The following PPP2R3A variants were observed in gnomAD, a reference collection of about 807,000 sequenced individuals.
PPP2R3A encodes serine/threonine-protein phosphatase 2A regulatory subunit B'' subunit alpha.
PPP2R3A carries 80 observed loss-of-function variants against 106.9 expected under a neutral mutation model. That is an observed-to-expected ratio of 0.75 (90% CI 0.62 to 0.90). The LOEUF (loss-of-function observed/expected upper bound fraction) is 0.90, where lower values mean the gene tolerates loss of function less well. PPP2R3A is among the 40% of genes least tolerant of loss of function. PPP2R3A has a pLI of 0.00. For missense variants in PPP2R3A, 1,386 were observed against 1,350.4 expected, an observed-to-expected ratio of 1.03 and a Z score of -0.41; for synonymous variants, 483 against 468.3, an observed-to-expected ratio of 1.03 and a Z score of -0.41.
chr3:136,027,036 A>G lies in PPP2R3A; in HGVS notation c.2200A>G (p.Thr734Ala), dbSNP rs1432272509. The G allele has an allele frequency of 1.2e-6, 2 of 1,613,218 alleles. No individual in the cohort carries two copies. The highest frequency in any genetic ancestry group is 4.5e-5 in the East Asian group (2 of 44,878). Residue 734 changes from threonine (T) to alanine (A), a missense_variant, in exon 3 of 14, where the codon ACT becomes GCT. By Grantham distance (58) the Thr-to-Ala change is moderately conservative. Transcript: ENST00000264977. ...NHEQTLSRIETAFMDIEEQKA... is the reference protein window; with the variant it reads ...NHEQTLSRIEAAFMDIEEQKA... ...TGAACAAACTCTAAGCAGAATTGAA[A>G]CTGCTTTCATGGATATTGAAGAACA...
chr3:135,981,780 G>A (rs1289214755), intron 1 of PPP2R3A, among the ~76,000 whole-genome samples: 1 of 151,794 alleles, frequency 6.6e-6, no homozygotes, highest in East Asian at 1.9e-4. Flanking sequence ...ATGAGAAGGG[G>A]CCAGGGTCGA....
intron 2 of PPP2R3A, among the ~76,000 whole-genome samples, chr3:136,010,956 T>C (rs776989010): frequency 2.0e-5 from 3 of 152,218 alleles, no homozygotes; most frequent in Non-Finnish European, 2.9e-5. Context: ...TTAACACTCA[T>C]TTGTCTGCTC....
chr3:136,030,778 A>ATATATATATATATATATATATATATG (rs1206335696), intron 3 of PPP2R3A, among the ~76,000 whole-genome samples: 63 of 111,258 alleles, frequency 5.7e-4, no homozygotes, highest in Non-Finnish European at 9.0e-4. Context: ...ATATATATAT[A>ATATATATATATATATATATATATATG]TATGTATGTA....
Position 136,058,271 on chromosome 3 carries a change from C to A in PPP2R3A, c.2469+8910C>A, listed in dbSNP as rs565912161. On this transcript the variant is annotated intron_variant, in intron 5 of 13. Coordinates refer to ENST00000264977, the MANE Select transcript of PPP2R3A (RefSeq NM_002718.5). ...ACATGATCCTATATTTCAAAAACCC[C>A]CCAGTCTCAGCCCAAAAGCTTCTTA... Among the ~76,000 whole-genome samples, 10 of 152,238 alleles carry A rather than the reference C, an allele frequency of 6.6e-5. No individual in the cohort carries two copies. The South Asian group carries it at 1.9e-3, about 28-fold the overall frequency.
At chr3:136,072,680 C>G (rs1474194631) in intron 6 of PPP2R3A, among the ~76,000 whole-genome samples, 2 of 152,220 alleles carry the variant, frequency 1.3e-5, no homozygotes, top group East Asian at 3.9e-4. Context: ...AAACTCAGGG[C>G]ATATTAACAG....
chr3:135,969,860 T>A (rs566578684), intron 1 of PPP2R3A, among the ~76,000 whole-genome samples: 1 of 152,308 alleles, frequency 6.6e-6, no homozygotes, highest in African/African-American at 2.4e-5. Context: ...ATGGCAGCAA[T>A]AATTGGAGCT....
rs1261791865 is a variant in PPP2R3A at position 136,002,233 on chromosome 3, A to G, written c.735A>G (p.Lys245=). The G allele has an allele frequency of 1.9e-6, 3 of 1,613,716 alleles. No homozygotes were observed. The highest frequency in any genetic ancestry group is 2.5e-6 in the Non-Finnish European group (3 of 1,179,948). The part of the protein sequence containing the change: ...ILLKCSEDLK[K]CTDIIKQCIK... Reference sequence around the variant, plus strand: ...TGAAATGCTCCGAGGATTTAAAAAAATGCACAGACATCATAAAACAATGCA... The same window carrying G: ...TGAAATGCTCCGAGGATTTAAAAAAGTGCACAGACATCATAAAACAATGCA... The change falls in exon 2 of 14, where the codon AAA becomes AAG. Residue 245 remains lysine (K), a synonymous_variant. Transcript: ENST00000264977.
intron 13 of PPP2R3A, among the ~76,000 whole-genome samples, chr3:136,111,573 T>TA (rs1232488211): frequency 6.6e-6 from 1 of 151,780 alleles, no homozygotes; most frequent in African/African-American, 2.4e-5. Context: ...CCTGAAAACA[T>TA]ACAACCTCCT....
At chr3:136,112,380 C>T (rs776870830) in intron 13 of PPP2R3A, among the ~76,000 whole-genome samples, 5 of 152,028 alleles carry the variant, frequency 3.3e-5, no homozygotes, top group African/African-American at 4.8e-5. Context: ...AATTCTATAC[C>T]TAGAAAACCC....
intron 12 of PPP2R3A, among the ~76,000 whole-genome samples, 187 bp from the exon 13 acceptor site, chr3:136,106,029 T>C (rs571835739): frequency 2.4e-4 from 36 of 152,320 alleles, no homozygotes; most frequent in East Asian, 5.8e-4. Flanking sequence ...TAAACAGTTA[T>C]AATTTTGCCA....
At chr3:135,973,930 C>T (rs1937321334) in intron 1 of PPP2R3A, among the ~76,000 whole-genome samples, 1 of 152,112 alleles carries the variant, frequency 6.6e-6, no homozygotes, top group Admixed American at 6.5e-5. Context: ...GTTCCTTTTC[C>T]ACCAGTCTCT....
At chr3:136,095,273 A>C (rs1008593018) in intron 10 of PPP2R3A, among the ~76,000 whole-genome samples, 1 of 152,226 alleles carries the variant, frequency 6.6e-6, no homozygotes, top group Non-Finnish European at 1.5e-5. Context: ...TTCTCATAGA[A>C]TGTTACCAAC....
At chr3:136,123,105 C>A (rs1938059841) in intron 13 of PPP2R3A, among the ~76,000 whole-genome samples, 1 of 151,926 alleles carries the variant, frequency 6.6e-6, no homozygotes, top group African/African-American at 2.4e-5. Context: ...ATAATTTATC[C>A]CCCAAAATAC....
chr3:136,007,481 C>T (rs989273222), intron 2 of PPP2R3A, among the ~76,000 whole-genome samples: 50 of 152,180 alleles, frequency 3.3e-4, no homozygotes, highest in African/African-American at 1.2e-3. Flanking sequence ...ACCTCTAAGT[C>T]TTTTAATTCC....
At chr3:136,123,006 A>G (rs980213879) in intron 13 of PPP2R3A, among the ~76,000 whole-genome samples, 1 of 152,274 alleles carries the variant, frequency 6.6e-6, no homozygotes, top group East Asian at 1.9e-4. Flanking sequence ...AAGATAAGTA[A>G]CTCTTTAATG....
chr3:136,097,384 T>C (rs761616498), intron 10 of PPP2R3A, among the ~76,000 whole-genome samples: 7 of 152,246 alleles, frequency 4.6e-5, no homozygotes, highest in Non-Finnish European at 8.8e-5. Context: ...TTGATCCTTA[T>C]AGTCTCCAAT....
At chr3:136,126,777 G>A (rs746888990) in intron 13 of PPP2R3A, among the ~76,000 whole-genome samples, 1 of 152,152 alleles carries the variant, frequency 6.6e-6, no homozygotes, top group African/African-American at 2.4e-5. Context: ...TGCCCCTCTA[G>A]AACGAAGCTT....
At chr3:136,033,728 A>G (rs574969528) in intron 3 of PPP2R3A, among the ~76,000 whole-genome samples, 1 of 152,154 alleles carries the variant, frequency 6.6e-6, no homozygotes, top group South Asian at 2.1e-4. Flanking sequence ...GTCAGTTGTA[A>G]TATCTCCTGT....
At chr3:136,064,655 G>A (rs1461072358) in intron 5 of PPP2R3A, among the ~76,000 whole-genome samples, 1 of 152,058 alleles carries the variant, frequency 6.6e-6, no homozygotes, top group African/African-American at 2.4e-5. Flanking sequence ...CAGGAAGAAT[G>A]AAAAAACTAT....
Sources: allele counts gnomAD v4.1 joint callset (sites outside exome capture counted in the v4.1 genomes callset), GRCh38; gene constraint gnomAD v4.1.1; transcripts MANE v1.5; gene names NCBI Gene and HGNC (gene_info 2026-07-23, HGNC 2026-07-21).